HIPK2: variants seen among roughly 807,000 people sequenced by gnomAD.
The protein encoded by HIPK2 is homeodomain interacting protein kinase 2, also known as homeodomain-interacting protein kinase 2.
HIPK2 carries 27 observed loss-of-function variants against 113.7 expected under a neutral mutation model. That is an observed-to-expected ratio of 0.24 (90% CI 0.17 to 0.33). HIPK2 has a LOEUF of 0.33. Ranked by LOEUF, HIPK2 falls within the 10% of genes least tolerant of loss-of-function variation. HIPK2 has a pLI of 1.00. For missense variants in HIPK2, 1,257 were observed against 1,588.0 expected, an observed-to-expected ratio of 0.79 and a Z score of 3.54; for synonymous variants, 631 against 642.2, an observed-to-expected ratio of 0.98 and a Z score of 0.26.
At chr7:139,689,426 T>G (rs942389777) in intron 2 of HIPK2, among the ~76,000 whole-genome samples, 7 of 152,222 alleles carry the variant, frequency 4.6e-5, no homozygotes, top group African/African-American at 1.7e-4. Context: ...AGAATTGGCT[T>G]GCTATCCAAT....
intron 1 of HIPK2, among the ~76,000 whole-genome samples, chr7:139,774,947 A>T (rs1188880404): frequency 6.6e-6 from 1 of 152,218 alleles, no homozygotes; most frequent in Non-Finnish European, 1.5e-5. Context: ...TTTGCCACCC[A>T]TTAATTGGTA....
chr7:139,688,725 G>C (rs909049124), intron 2 of HIPK2, among the ~76,000 whole-genome samples: 2 of 152,054 alleles, frequency 1.3e-5, no homozygotes, highest in Admixed American at 1.3e-4. Flanking sequence ...CCAGAGATGA[G>C]TTCCCATGTA....
chr7:139,649,248 G>A (rs1039398327), intron 2 of HIPK2, among the ~76,000 whole-genome samples: 1 of 152,094 alleles, frequency 6.6e-6, no homozygotes, highest in South Asian at 2.1e-4. Flanking sequence ...CACTGCTGCG[G>A]CGGGTGGCTG....
chr7:139,692,146 GACCA>G (rs1193145668), intron 2 of HIPK2, among the ~76,000 whole-genome samples: 1 of 152,190 alleles, frequency 6.6e-6, no homozygotes, highest in African/African-American at 2.4e-5. Context: ...TCAAAGAAAT[GACCA>G]ACCTGGTGCA....
intron 1 of HIPK2, among the ~76,000 whole-genome samples, chr7:139,770,629 C>T (rs534500518): frequency 3.3e-5 from 5 of 152,186 alleles, no homozygotes; most frequent in African/African-American, 7.2e-5. Context: ...TCTCTCACTG[C>T]GGATGGACAG....
intron 5 of HIPK2, 41 bp from the exon 6 acceptor site, chr7:139,626,826 C>A (rs771408629): frequency 2.5e-6 from 4 of 1,607,764 alleles, no homozygotes; most frequent in Non-Finnish European, 3.4e-6. Flanking sequence ...AAGACCCCAG[C>A]GTGCCTCCCC....
intron 1 of HIPK2, among the ~76,000 whole-genome samples, chr7:139,766,858 G>GC (rs1796561241): frequency 6.6e-6 from 1 of 152,084 alleles, no homozygotes; most frequent in Non-Finnish European, 1.5e-5. Context: ...TTATTCTGGG[G>GC]CCCCAAGACC....
At chr7:139,741,008 A>T (rs569569571) in intron 1 of HIPK2, among the ~76,000 whole-genome samples, 3 of 152,144 alleles carry the variant, frequency 2.0e-5, no homozygotes, top group African/African-American at 7.2e-5. Context: ...TTAGCCGGAC[A>T]TGGTGGCAGG....
rs556936642 is a variant in HIPK2, at chr7:139,632,224, C to T, written c.1104-499G>A. Among the ~76,000 whole-genome samples, 5 of 152,258 alleles carry T rather than the reference C, an allele frequency of 3.3e-5. No homozygotes were observed. In the East Asian group the frequency reaches 5.8e-4, roughly 18 times the overall value. On this transcript the variant is annotated intron_variant, in intron 2 of 14. Transcript: ENST00000406875. ...GCTATTCACAGGCATGATCATAGCT[C>T]GCTATAGTCTTGAACTTCTGAACTC...
intron 1 of HIPK2, chr7:139,777,178 G>A (rs1272879206): frequency 6.6e-6 from 1 of 152,312 alleles, no homozygotes; most frequent in Non-Finnish European, 1.5e-5. Flanking sequence ...CGTGGGGTGG[G>A]CGCGGAAAGA....
At chr7:139,574,577 T>G (rs542574214) in intron 14 of HIPK2, among the ~76,000 whole-genome samples, 27 of 151,600 alleles carry the variant, frequency 1.8e-4, no homozygotes, top group Middle Eastern at 6.8e-3. Context: ...AACAGGGCCC[T>G]GAGTCCACCA....
intron 2 of HIPK2, among the ~76,000 whole-genome samples, chr7:139,634,741 G>A (rs1800751059): frequency 7.1e-6 from 1 of 140,276 alleles, no homozygotes; most frequent in Non-Finnish European, 1.5e-5. Context: ...GCAGTGGCAT[G>A]ATCTTGGCTC....
intron 2 of HIPK2, among the ~76,000 whole-genome samples, chr7:139,681,811 G>T (rs1032061900): frequency 6.6e-6 from 1 of 152,154 alleles, no homozygotes; most frequent in Non-Finnish European, 1.5e-5. Flanking sequence ...CACTGCTCCA[G>T]GGAGCAGAAG....
intron 2 of HIPK2, among the ~76,000 whole-genome samples, chr7:139,638,596 A>T (rs1478372497): frequency 1.3e-5 from 2 of 152,178 alleles, no homozygotes; most frequent in Non-Finnish European, 2.9e-5. Context: ...ATTCCTTTCC[A>T]ACATTCCCAA....
intron 1 of HIPK2, among the ~76,000 whole-genome samples, chr7:139,767,736 A>G (rs1279888951): frequency 6.6e-6 from 1 of 152,266 alleles, no homozygotes; most frequent in Non-Finnish European, 1.5e-5. Flanking sequence ...AGGAGAGCAG[A>G]GGATGCAGAA....
intron 14 of HIPK2, 55 bp from the exon 15 acceptor site, chr7:139,573,452 G>A (rs546225698): frequency 3.9e-6 from 6 of 1,535,562 alleles, no homozygotes; most frequent in Middle Eastern, 2.0e-4. Context: ...GGGGAGGAAG[G>A]AATGGGAGGA....
chr7:139,638,961 T>C (rs1800912434), intron 2 of HIPK2, among the ~76,000 whole-genome samples: 1 of 152,172 alleles, frequency 6.6e-6, no homozygotes. Context: ...CAGCCAATAA[T>C]TGTCATTTTT....
Position 139,756,202 on chromosome 7 carries a change from C to T in HIPK2, c.19+21403G>A, listed in dbSNP as rs532593046. Among the ~76,000 whole-genome samples the T allele has an allele frequency of 1.2e-3, 190 of 152,316 alleles. 1 individual carries two copies. Among genetic ancestry groups the T allele is most frequent in the African/African-American group, 4.5e-3 (188 of 41,564 alleles). On this transcript the variant is annotated intron_variant, in intron 1 of 14. Transcript: ENST00000406875. The stretch of plus-strand genomic sequence containing the variant: ...TATAAAAATCCAATATTGTCAATCT[C>T]AAAATCCTTGGATAGTGTCCAAAAG...
intron 12 of HIPK2, among the ~76,000 whole-genome samples, chr7:139,586,662 T>C (rs1798840554): frequency 6.6e-6 from 1 of 151,780 alleles, no homozygotes. Flanking sequence ...CCCAGCTGTT[T>C]GGGAGGCTGA....
Sources: allele counts gnomAD v4.1 joint callset (sites outside exome capture counted in the v4.1 genomes callset), GRCh38; gene constraint gnomAD v4.1.1; transcripts MANE v1.5; gene names NCBI Gene and HGNC (gene_info 2026-07-23, HGNC 2026-07-21).